Variants in IL17RD observed in about 807,000 individuals in gnomAD.
IL17RD encodes interleukin 17 receptor D, also known as interleukin-17 receptor D.
IL17RD carries 52 observed loss-of-function variants against 80.5 expected under a neutral mutation model. The ratio of observed to expected loss-of-function variants is 0.65; its 90% CI spans 0.52 to 0.81. IL17RD has a LOEUF of 0.81. Ranked by LOEUF, IL17RD falls within the 40% of genes least tolerant of loss-of-function variation. The pLI is 0.00. For synonymous variants in IL17RD, 416 were observed against 391.8 expected (o/e 1.06, Z -0.73); for missense variants, 1,024 against 955.1 (o/e 1.07, Z -0.95).
chr3:57,102,087 C>A (rs1475219165), intron 10 of IL17RD, among the ~76,000 whole-genome samples: 1 of 152,074 alleles, frequency 6.6e-6, no homozygotes, highest in East Asian at 1.9e-4. Flanking sequence ...ATAGTGAGAC[C>A]CCATGACTAC....
chr3:57,167,138 G>A (rs2060351795), upstream of IL17RD, among the ~76,000 whole-genome samples: 1 of 152,200 alleles, frequency 6.6e-6, no homozygotes, highest in African/African-American at 2.4e-5. Context: ...GGGAGAGGGA[G>A]AATGGGTGCT....
At chr3:57,113,823 G>A (rs1707150630) in intron 3 of IL17RD, among the ~76,000 whole-genome samples, 1 of 152,044 alleles carries the variant, frequency 6.6e-6, no homozygotes, top group African/African-American at 2.4e-5. Context: ...GATTACAGGT[G>A]TAAGCCACCA....
intron 1 of IL17RD, among the ~76,000 whole-genome samples, chr3:57,149,296 CAAAA>C (rs111306706): frequency 1.1e-5 from 1 of 88,350 alleles, no homozygotes. Context: ...AACTCCATCT[CAAAA>C]AAAAAAAAAA....
At chr3:57,141,627 A>G (rs2107526649) in intron 1 of IL17RD, among the ~76,000 whole-genome samples, 1 of 152,290 alleles carries the variant, frequency 6.6e-6, no homozygotes, top group African/African-American at 2.4e-5. Flanking sequence ...ATCTGTATAC[A>G]CAAACTGCTA....
Position 57,097,839 on chromosome 3 carries a change from T to A in IL17RD, c.1864A>T (p.Ser622Cys), listed in dbSNP as rs1411163135. 6.2e-7 allele frequency: 1 copy of A among 1,612,406 alleles called. No homozygotes were observed. Among genetic ancestry groups the A allele is most frequent in the East Asian group, 2.2e-5 (1 of 44,890 alleles). ...TCTTGGTCCAGGCCCCCATGCTGAC[T>A]CTCGTGCTGGGAGTCGGCTGGTCCG... ...ATGPADSQHE[S>C]QHGGLDQDGE... The change falls in exon 12 of 13, where the codon AGT (serine) becomes TGT (cysteine). Residue 622 changes from serine (S) to cysteine (C), a missense_variant. Ser to Cys is a moderately radical substitution (Grantham distance 112). Coordinates refer to ENST00000296318, the MANE Select transcript of IL17RD (RefSeq NM_017563.5).
intron 7 of IL17RD, among the ~76,000 whole-genome samples, chr3:57,105,440 G>A (rs1174657815): frequency 6.7e-6 from 1 of 148,894 alleles, no homozygotes; most frequent in Non-Finnish European, 1.5e-5. Context: ...CAGAGGCTGA[G>A]GCAGGAGAAT....
At chr3:57,157,882 T>G (rs1159238115) in intron 1 of IL17RD, among the ~76,000 whole-genome samples, 1 of 152,196 alleles carries the variant, frequency 6.6e-6, no homozygotes, top group Non-Finnish European at 1.5e-5. Flanking sequence ...CACAGAAGTC[T>G]GGGGACACTG....
intron 1 of IL17RD, among the ~76,000 whole-genome samples, chr3:57,146,478 C>A (rs1053477365): frequency 6.6e-6 from 1 of 152,072 alleles, no homozygotes; most frequent in African/African-American, 2.4e-5. Context: ...GGGCTGGGCG[C>A]GGTGGCTCAT....
At chr3:57,159,706 T>C (rs1467287468) in intron 1 of IL17RD, among the ~76,000 whole-genome samples, 1 of 152,202 alleles carries the variant, frequency 6.6e-6, no homozygotes, top group East Asian at 1.9e-4. Flanking sequence ...GGAAAAGGTC[T>C]GGCTGCCAGG....
rs1442336208 is a variant in IL17RD at position 57,091,450 on chromosome 3, C to T, written c.*4943G>A. The T allele has an allele frequency of 6.6e-6, 1 of 152,478 alleles. No individual in the cohort carries two copies. The highest frequency in any genetic ancestry group is 1.9e-4 in the East Asian group (1 of 5,186). The allele number at this position is 152,478 out of a possible 1,614,324, so 9.4% of individuals were successfully genotyped here. The stretch of plus-strand genomic sequence containing the variant: ...GAGGAGCTGGGTGTGCAAGAATTTC[C>T]CCATAATCCCCATCCTGAGCCTCGT... On this transcript the variant is annotated 3_prime_UTR_variant, in exon 13 of 13. Coordinates refer to ENST00000296318, the MANE Select transcript of IL17RD (RefSeq NM_017563.5).
rs151239120 is a variant in IL17RD, at chr3:57,104,069, A to G, written c.813+273T>C. Among the ~76,000 whole-genome samples, 6 of 152,370 alleles carry G rather than the reference A, an allele frequency of 3.9e-5. No homozygotes were observed. The East Asian group carries it at 7.7e-4, about 20-fold the overall frequency. On this transcript the variant is annotated intron_variant, in intron 8 of 12. Coordinates refer to ENST00000296318, the MANE Select transcript of IL17RD (RefSeq NM_017563.5). Reference sequence around the variant, plus strand: ...AAATTTAAGCTAAAATCTTAAAAATATATCTTTGTAGTATTAAGGAATACT... The same window carrying G: ...AAATTTAAGCTAAAATCTTAAAAATGTATCTTTGTAGTATTAAGGAATACT...
rs551495269 is a variant in IL17RD at position 57,097,735 on chromosome 3, C to A, written c.1968G>T (p.Ser656=). The change falls in exon 12 of 13, where the codon TCG becomes TCT. Residue 656 remains serine (S), a synonymous_variant. Coordinates refer to ENST00000296318, the MANE Select transcript of IL17RD (RefSeq NM_017563.5). ...AGATGCCTGAGTCCCGCGGCATGTC[C>A]GAGGGGCTGCCGGCTTTCACCGTGT... ...LLHTVKAGSP[S]DMPRDSGIYD... is the part of the protein sequence containing the mutation. 5.6e-6 allele frequency: 9 copies of A among 1,602,032 alleles called. No individual in the cohort carries two copies. In the South Asian group the frequency reaches 9.0e-5, roughly 16 times the overall value.
At chr3:57,137,129 T>C (rs1707746938) in intron 1 of IL17RD, among the ~76,000 whole-genome samples, 1 of 152,142 alleles carries the variant, frequency 6.6e-6, no homozygotes. Context: ...GCCCAACACA[T>C]GGTAAGCATT....
chr3:57,160,459 G>A (rs544358096), intron 1 of IL17RD, among the ~76,000 whole-genome samples: 1 of 152,182 alleles, frequency 6.6e-6, no homozygotes, highest in South Asian at 2.1e-4. Flanking sequence ...ACTGTTTTCA[G>A]ACAAACCCAG....
chr3:57,120,443 C>T (rs1382399152), intron 1 of IL17RD, 130 bp from the exon 2 acceptor site: 2 of 678,290 alleles, frequency 2.9e-6, no homozygotes, highest in Admixed American at 4.4e-5. Context: ...ACATCATCCA[C>T]CACTCTTTCT....
Position 57,105,823 on chromosome 3 carries a change from C to T in IL17RD, c.747+34G>A, listed in dbSNP as rs192738979. ...GTGGCCTGGGGGTCGCTTTGAAACA[C>T]GCAGTGTTCCTTTATATACACCCAG... On this transcript the variant is annotated intron_variant, in intron 7 of 12. Transcript: ENST00000296318. The T allele has an allele frequency of 1.6e-4, 254 of 1,596,628 alleles. No homozygotes were observed. The African/African-American group carries it at 2.9e-3, about 18-fold the overall frequency.
chr3:57,108,570 C>T (rs1215753871), intron 5 of IL17RD, among the ~76,000 whole-genome samples: 1 of 117,738 alleles, frequency 8.5e-6, no homozygotes, highest in Non-Finnish European at 1.6e-5. Flanking sequence ...GGCTGGAGTA[C>T]AGTGGCTTGA....
At chr3:57,113,103 C>T (rs569279169) in intron 3 of IL17RD, among the ~76,000 whole-genome samples, 33 of 152,356 alleles carry the variant, frequency 2.2e-4, no homozygotes, top group African/African-American at 7.9e-4. Flanking sequence ...CTTCCTACAT[C>T]TCACACTTGG....
chr3:57,098,033 G>C lies in IL17RD; in HGVS notation c.1670C>G (p.Pro557Arg), dbSNP rs769182466. Reference sequence around the variant, plus strand: ...AACGAACTGCTTTTCGAACCAGTCGGGCTCCTCGTCAATAAACTGGTGCAT... The same window carrying C: ...AACGAACTGCTTTTCGAACCAGTCGCGCTCCTCGTCAATAAACTGGTGCAT... ...CNMHQFIDEE[P>R]DWFEKQFVPF... Residue 557 changes from proline (P) to arginine (R), a missense_variant, in exon 12 of 13, where the codon CCC becomes CGC. Coordinates refer to ENST00000296318, the MANE Select transcript of IL17RD (RefSeq NM_017563.5). 15 of 1,614,024 alleles carry C rather than the reference G, an allele frequency of 9.3e-6. No homozygotes were observed. The highest frequency in any genetic ancestry group is 7.6e-6 in the Non-Finnish European group (9 of 1,179,896).
Sources: gnomAD v4.1 joint callset for allele counts (sites outside exome capture counted in the v4.1 genomes callset) on GRCh38, gnomAD v4.1.1 for gene constraint, MANE v1.5 for transcripts, NCBI Gene and HGNC (gene_info 2026-07-23, HGNC 2026-07-21) for gene names.